MAPK8IP3: variants seen among roughly 807,000 people sequenced by gnomAD.
MAPK8IP3 encodes C-Jun-amino-terminal kinase-interacting protein 3.
A neutral mutation model predicts 157.8 loss-of-function variants in MAPK8IP3; 49 were observed. The ratio of observed to expected loss-of-function variants is 0.31; its 90% CI spans 0.25 to 0.39. The LOEUF is 0.39. MAPK8IP3 is among the 10% of genes least tolerant of loss of function. MAPK8IP3 has a pLI of 1.00. For synonymous variants in MAPK8IP3, 897 were observed against 777.7 expected (o/e 1.15, Z -2.55); for missense variants, 1,478 against 1,889.4 (o/e 0.78, Z 4.04).
intron 20 of MAPK8IP3, 103 bp downstream of exon 20, chr16:1,765,281 G>C (rs1335800778): frequency 4.0e-5 from 53 of 1,327,122 alleles, no homozygotes; most frequent in Non-Finnish European, 4.8e-5. Flanking sequence ...GGGGTGTCCT[G>C]TGGACACGGG....
intron 1 of MAPK8IP3, among the ~76,000 whole-genome samples, chr16:1,712,051 C>T (rs1279811612): frequency 4.5e-3 from 283 of 62,258 alleles, no homozygotes; most frequent in East Asian, 6.7e-3. Context: ...CTCAGGAGTT[C>T]TTTTTTTTTT....
Position 1,762,964 on chromosome 16 carries a change from C to T in MAPK8IP3, c.1856C>T (p.Pro619Leu), listed in dbSNP as rs1458796093. Residue 619 changes from proline to leucine, a missense_variant, in exon 16 of 32, where the codon CCG (proline) becomes CTG (leucine). Pro to Leu is a moderately conservative substitution (Grantham distance 98). Around this residue, in one of 11 missense-constraint regions of MAPK8IP3, gnomAD observed 669 missense variants for 759.8 expected, o/e 0.88. Transcript: ENST00000610761. Reference sequence around the variant, plus strand: ...CAGCGCCGCAACCATGCCATGTGCCCGATCTCGGCAGGCAGCCGGCCCCTG... The same window carrying T: ...CAGCGCCGCAACCATGCCATGTGCCTGATCTCGGCAGGCAGCCGGCCCCTG... ...FSQRRNHAMC[P>L]ISAGSRPLEF... The T allele has an allele frequency of 4.3e-6, 7 of 1,612,964 alleles. No individual in the cohort carries two copies. Among genetic ancestry groups the T allele is most frequent in the Non-Finnish European group, 5.1e-6 (6 of 1,179,982 alleles).
In MAPK8IP3 at chr16:1,747,234, T is replaced by C; in HGVS notation, c.953T>C (p.Met318Thr). Residue 318 changes from methionine to threonine, a missense_variant, in exon 6 of 32, where the codon ATG becomes ACG. Met to Thr is a moderately conservative substitution (Grantham distance 81). Coordinates refer to ENST00000610761, the MANE Select transcript of MAPK8IP3 (RefSeq NM_001318852.2). ...CGGGAGAAGCGCGACAGCCGCAACATGGAAGTACAGGTCACCCAGGAGATG... is the reference window on the plus strand; with the variant it reads ...CGGGAGAAGCGCGACAGCCGCAACACGGAAGTACAGGTCACCCAGGAGATG... ...RAREKRDSRNMEVQVTQEMRN... is the reference protein window; with the variant it reads ...RAREKRDSRNTEVQVTQEMRN... The C allele has an allele frequency of 6.2e-7, 1 of 1,613,722 alleles. No individual in the cohort carries two copies. Among genetic ancestry groups the C allele is most frequent in the Non-Finnish European group, 8.5e-7 (1 of 1,179,988 alleles).
chr16:1,740,331 C>T (rs547028914), intron 4 of MAPK8IP3, among the ~76,000 whole-genome samples: 1 of 148,786 alleles, frequency 6.7e-6, no homozygotes, highest in Admixed American at 6.7e-5. Flanking sequence ...ACCGTGTAGG[C>T]GTCCTTGTGA....
At chr16:1,729,333 C>T in intron 3 of MAPK8IP3, 125 bp downstream of exon 3, 2 of 1,303,044 alleles carry the variant, frequency 1.5e-6, no homozygotes, top group Non-Finnish European at 1.1e-6. Flanking sequence ...TGCTGCCAGG[C>T]TTGAAGGCTG....
At chr16:1,727,135 G>A (rs1290107173) in intron 2 of MAPK8IP3, among the ~76,000 whole-genome samples, 1 of 150,494 alleles carries the variant, frequency 6.6e-6, no homozygotes, top group African/African-American at 2.5e-5. Context: ...TGCTGTGTGC[G>A]GCACCTGAGT....
At chr16:1,730,803 A>C (rs1382581350) in intron 4 of MAPK8IP3, among the ~76,000 whole-genome samples, 13 of 148,672 alleles carry the variant, frequency 8.7e-5, no homozygotes, top group African/African-American at 2.7e-4. Flanking sequence ...AGATCGCACC[A>C]CTGCACTCCA....
intron 1 of MAPK8IP3, among the ~76,000 whole-genome samples, chr16:1,719,153 G>A (rs2038349913): frequency 6.6e-6 from 1 of 152,108 alleles, no homozygotes; most frequent in Non-Finnish European, 1.5e-5. Context: ...ATTTTTTGTA[G>A]AGGTAAGGTC....
At chr16:1,748,915 C>A (rs757186846) in intron 8 of MAPK8IP3, 195 bp downstream of exon 8, 1 of 721,254 alleles carries the variant, frequency 1.4e-6, no homozygotes, top group Non-Finnish European at 2.6e-6. Flanking sequence ...TGGACTGCCC[C>A]AAGGATGCCA....
chr16:1,738,716 C>T (rs1272509762), intron 4 of MAPK8IP3, among the ~76,000 whole-genome samples: 3 of 115,658 alleles, frequency 2.6e-5, no homozygotes, highest in Admixed American at 9.1e-5. Flanking sequence ...TGTGAGCATC[C>T]GTGTGAGTGT....
chr16:1,744,703 G>A (rs2040862621), intron 5 of MAPK8IP3: 29 of 985,474 alleles, frequency 2.9e-5, no homozygotes, highest in Non-Finnish European at 3.5e-5. Flanking sequence ...TCTGGCCTCC[G>A]GGCTGCCTCT....
intron 1 of MAPK8IP3, among the ~76,000 whole-genome samples, chr16:1,723,019 G>T (rs961288993): frequency 1.6e-5 from 2 of 126,746 alleles, no homozygotes; most frequent in South Asian, 2.6e-4. Context: ...TTGTTTGTTT[G>T]TTTTTGTTTT....
chr16:1,731,926 C>T (rs984451648), intron 4 of MAPK8IP3, among the ~76,000 whole-genome samples: 3 of 152,184 alleles, frequency 2.0e-5, no homozygotes, highest in Non-Finnish European at 4.4e-5. Context: ...TTATTCCTTC[C>T]ACAGGGTGGG....
chr16:1,737,570 CTG>C lies in MAPK8IP3; in HGVS notation c.603-5757_603-5756del, dbSNP rs543048430. Reference sequence around the variant, plus strand: ...AGAGTGTGACCATCCATGTGAGCATCTGTGTGACCGTCCGTGAGCATCCGTGT... The same window carrying C: ...AGAGTGTGACCATCCATGTGAGCATCTGTGACCGTCCGTGAGCATCCGTGT... On this transcript the variant is annotated intron_variant, in intron 4 of 31. Transcript: ENST00000610761. Among the ~76,000 whole-genome samples, 164 of 93,640 alleles carry C rather than the reference CTG, an allele frequency of 1.8e-3. 15 individuals carry two copies. The highest frequency in any genetic ancestry group is 2.9e-3 in the Non-Finnish European group (143 of 48,862). 61.4% of individuals were successfully genotyped at this position (93,640 alleles called of 152,430 possible).
At position 1,768,557 on chromosome 16, in the gene MAPK8IP3, G is replaced by A. The variant is rs1368946755; in HGVS notation, c.3823G>A (p.Val1275Ile). The A allele has an allele frequency of 2.5e-6, 4 of 1,573,190 alleles. No individual in the cohort carries two copies. The highest frequency in any genetic ancestry group is 1.1e-5 in the South Asian group (1 of 87,170). ...TGGGCCAGCTGCCCCTGCCTCGGAG[G>A]TCGAGGGCCAGAAGCTGCGGAACGT... The part of the protein sequence containing the change: ...GPGPAAPASE[V>I]EGQKLRNVLV... Residue 1275 changes from valine to isoleucine, a missense_variant, in exon 31 of 32, where the codon GTC (valine) becomes ATC (isoleucine). Val to Ile is a conservative substitution (Grantham distance 29, BLOSUM62 3). This residue lies in a region of MAPK8IP3 where 133 missense variants were observed against 133.4 expected (regional missense o/e 1.00). Coordinates refer to ENST00000610761, the MANE Select transcript of MAPK8IP3 (RefSeq NM_001318852.2).
chr16:1,764,086 T>A (rs779938531), intron 17 of MAPK8IP3, 29 bp from the exon 18 acceptor site: 2 of 1,567,378 alleles, frequency 1.3e-6, no homozygotes, highest in Admixed American at 3.5e-5. Flanking sequence ...CCAGGGTTCG[T>A]GCCCACGGCG....
intron 20 of MAPK8IP3, 33 bp downstream of exon 20, chr16:1,765,211 C>T (rs1461117560): frequency 2.6e-6 from 4 of 1,567,374 alleles, no homozygotes; most frequent in African/African-American, 2.7e-5. Flanking sequence ...TCCACTCGGG[C>T]GCCACTCCCT....
At chr16:1,723,092 T>C (rs2038641563) in intron 1 of MAPK8IP3, among the ~76,000 whole-genome samples, 1 of 151,670 alleles carries the variant, frequency 6.6e-6, no homozygotes, top group African/African-American at 2.4e-5. Flanking sequence ...AGTACAGTGG[T>C]GGGGTGATCT....
chr16:1,734,971 CAT>C lies in MAPK8IP3; in HGVS notation c.602+5394_602+5395del, dbSNP rs758645605. On this transcript the variant is annotated intron_variant, in intron 4 of 31. Transcript: ENST00000610761. ...GAGTGTGTGTGTGTCTGTGTGGCCA[CAT>C]GTGTGCCGTCACCACGTGCCATGTG... 20 of 154,804 alleles carry C rather than the reference CAT, an allele frequency of 1.3e-4. 1 individual carries two copies. The highest frequency in any genetic ancestry group is 7.7e-4 in the East Asian group (4 of 5,184). The allele number at this position is 154,804 out of a possible 1,614,324, so 9.6% of individuals were successfully genotyped here.
Sources: gnomAD v4.1 joint callset for allele counts (sites outside exome capture counted in the v4.1 genomes callset) on GRCh38, gnomAD v4.1.1 for gene constraint, gnomAD v4.1.1 regional missense constraint, MANE v1.5 for transcripts, NCBI Gene and HGNC (gene_info 2026-07-23, HGNC 2026-07-21) for gene names.